Variants in POC1A observed in about 807,000 individuals in gnomAD.
POC1A encodes POC1 centriolar protein A.
A neutral mutation model predicts 47.8 loss-of-function variants in POC1A; 34 were observed. The ratio of observed to expected loss-of-function variants is 0.71; its 90% CI spans 0.54 to 0.95. The LOEUF is 0.95. Ranked by LOEUF, POC1A falls within the 40% of genes least tolerant of loss-of-function variation. The pLI is 0.00. For synonymous variants in POC1A, 177 were observed against 207.6 expected, an observed-to-expected ratio of 0.85 and a Z score of 1.27; for missense variants, 466 against 528.3, an observed-to-expected ratio of 0.88 and a Z score of 1.16.
chr3:52,146,422 C>T (rs1698366587), intron 5 of POC1A, among the ~76,000 whole-genome samples: 1 of 152,348 alleles, frequency 6.6e-6, no homozygotes, highest in African/African-American at 2.4e-5. Context: ...ATATGTGATA[C>T]CCAGGCTGGT....
chr3:52,109,017 G>C (rs1461053102), intron 9 of POC1A, among the ~76,000 whole-genome samples: 1 of 152,148 alleles, frequency 6.6e-6, no homozygotes, highest in Non-Finnish European at 1.5e-5. Context: ...CAGGAGTGTG[G>C]TGTGAGCCCA....
chr3:52,103,839 C>T (rs545150037), intron 9 of POC1A, among the ~76,000 whole-genome samples: 117 of 152,100 alleles, frequency 7.7e-4, no homozygotes, highest in Non-Finnish European at 1.4e-3. Context: ...AAAAACTGAT[C>T]ATGCCAAGTG....
chr3:52,124,847 C>T (rs1703935760), intron 8 of POC1A, among the ~76,000 whole-genome samples: 1 of 152,188 alleles, frequency 6.6e-6, no homozygotes, highest in African/African-American at 2.4e-5. Context: ...ATAGCCCAGC[C>T]TCCTTCCACT....
rs550368682 is a variant in POC1A, at chr3:52,122,183, C to A, written c.981+196G>T. Among the ~76,000 whole-genome samples, 17 of 152,362 alleles carry A rather than the reference C, an allele frequency of 1.1e-4. No homozygotes were observed. The South Asian group carries it at 3.5e-3, about 32-fold the overall frequency. On this transcript the variant is annotated intron_variant, in intron 9 of 10. Transcript: ENST00000296484. The stretch of plus-strand genomic sequence containing the variant: ...GCTTGCTGTAACAGCCTCTTTGTGT[C>A]TTATTCGTTCACTCTAGATGGAAAA...
At position 52,104,595 on chromosome 3, in the gene POC1A, G is replaced by A. The variant is rs773512443; in HGVS notation, c.982-7883C>T. 3.9e-5 allele frequency among the ~76,000 whole-genome samples: 6 copies of A among 152,356 alleles called. No homozygotes were observed. In the South Asian group the frequency reaches 6.2e-4, roughly 16 times the overall value. The stretch of plus-strand genomic sequence containing the variant: ...CCATCACTGCCACTCTGCCCTCAAG[G>A]TGAAAATCACCAGCTCTCCACTGGG... On this transcript the variant is annotated intron_variant, in intron 9 of 10. Coordinates refer to ENST00000296484, the MANE Select transcript of POC1A (RefSeq NM_015426.5).
chr3:52,145,921 T>C lies in POC1A; in HGVS notation c.604A>G (p.Ile202Val). The change falls in exon 6 of 11, where the codon ATT (isoleucine) becomes GTT (valine). Residue 202 changes from isoleucine to valine, a missense_variant. By Grantham distance (29) the Ile-to-Val change is conservative. Transcript: ENST00000296484. ...YVDFHPSGTC[I>V]AAAGMDNTVK... ...GTGTTGTCCATGCCGGCAGCGGCAATGCACGTCCCACTGGGGTGGAAGTCC... is the reference window on the plus strand; with the variant it reads ...GTGTTGTCCATGCCGGCAGCGGCAACGCACGTCCCACTGGGGTGGAAGTCC... 2.5e-6 allele frequency: 4 copies of C among 1,613,918 alleles called. No homozygotes were observed. Among genetic ancestry groups the C allele is most frequent in the Non-Finnish European group, 3.4e-6 (4 of 1,179,876 alleles).
Position 52,149,325 on chromosome 3 carries a change from C to G in POC1A, c.340G>C (p.Asp114His), listed in dbSNP as rs758744424. The G allele has an allele frequency of 6.2e-7, 1 of 1,614,166 alleles. No homozygotes were observed. Among genetic ancestry groups the G allele is most frequent in the Admixed American group, 1.7e-5 (1 of 60,032 alleles). Residue 114 changes from aspartate (D) to histidine (H), a missense_variant, in exon 4 of 11, where the codon GAT becomes CAT. By Grantham distance (81) the Asp-to-His change is moderately conservative. Transcript: ENST00000296484. ...GAGGCTGTCACGAAGGACTGGCCAT[C>G]ACTGCAGAAGTGGACACTCCTCACT... ...ATVRSVHFCS[D>H]GQSFVTASDD...
In POC1A at chr3:52,090,035, G is replaced by A. The variant is rs1383503307; in HGVS notation, c.1125+6534C>T. ...CATTCTCTATCCCCAAAGCAAACAG[G>A]CAAAAATCCTTGGCCTTGTTGAGTT... On this transcript the variant is annotated intron_variant, in intron 10 of 10. Transcript: ENST00000296484. The surrounding 1 kb of genome is among the most constrained non-coding windows in gnomAD (Gnocchi z 4.2). Among the ~76,000 whole-genome samples the A allele has an allele frequency of 6.6e-6, 1 of 152,120 alleles. No homozygotes were observed. Among genetic ancestry groups the A allele is most frequent in the Non-Finnish European group, 1.5e-5 (1 of 68,020 alleles).
intron 7 of POC1A, among the ~76,000 whole-genome samples, chr3:52,135,431 T>C (rs975027626): frequency 6.6e-6 from 1 of 152,236 alleles, no homozygotes; most frequent in Non-Finnish European, 1.5e-5. Flanking sequence ...TCACCCAGGC[T>C]GGAGTACAGT....
chr3:52,094,432 A>G (rs1025518594), intron 10 of POC1A, among the ~76,000 whole-genome samples: 1 of 152,250 alleles, frequency 6.6e-6, no homozygotes, highest in Non-Finnish European at 1.5e-5. Context: ...AGAAAGGCAC[A>G]GGGAAACTTT....
chr3:52,094,329 G>A (rs143672294), intron 10 of POC1A, among the ~76,000 whole-genome samples: 56 of 152,348 alleles, frequency 3.7e-4, no homozygotes, highest in East Asian at 1.9e-3. Flanking sequence ...GGTGGTGGCC[G>A]CCTGGCACTA....
chr3:52,127,262 G>A (rs1184623320), intron 7 of POC1A, among the ~76,000 whole-genome samples: 8 of 152,226 alleles, frequency 5.3e-5, no homozygotes, highest in Non-Finnish European at 8.8e-5. Context: ...TGCAGGATGA[G>A]GGCAGGGCAT....
At position 52,149,397 on chromosome 3, in the gene POC1A, G is replaced by T. The variant is rs773099255; in HGVS notation, c.276-8C>A. On this transcript the variant is annotated splice_polypyrimidine_tract_variant and splice_region_variant and intron_variant, in intron 3 of 10. Coordinates refer to ENST00000296484, the MANE Select transcript of POC1A (RefSeq NM_015426.5). Reference sequence around the variant, plus strand: ...ACAGTGGACTCACCTTTGCTACAAGGACAGGCATCCAAGAGTAAGGAAACC... The same window carrying T: ...ACAGTGGACTCACCTTTGCTACAAGTACAGGCATCCAAGAGTAAGGAAACC... 2 of 1,612,940 alleles carry T rather than the reference G, an allele frequency of 1.2e-6. No homozygotes were observed. Among genetic ancestry groups the T allele is most frequent in the Non-Finnish European group, 1.7e-6 (2 of 1,179,078 alleles).
At chr3:52,089,835 G>A (rs922119026) in intron 10 of POC1A, among the ~76,000 whole-genome samples, 3 of 152,108 alleles carry the variant, frequency 2.0e-5, no homozygotes, top group Admixed American at 2.0e-4. Context: ...GGGATACAGA[G>A]AGCCCCTGAG....
chr3:52,128,385 C>A (rs540686449), intron 7 of POC1A, among the ~76,000 whole-genome samples: 3 of 152,198 alleles, frequency 2.0e-5, no homozygotes, highest in Non-Finnish European at 4.4e-5. Context: ...GAAGTGCTAG[C>A]GCTCCTTTAC....
At chr3:52,117,540 T>A (rs1703612785) in intron 9 of POC1A, among the ~76,000 whole-genome samples, 1 of 152,148 alleles carries the variant, frequency 6.6e-6, no homozygotes, top group African/African-American at 2.4e-5. Context: ...AATCACAGGT[T>A]GGCTGGAAGC....
intron 9 of POC1A, 61 bp downstream of exon 9, chr3:52,122,318 T>A: frequency 2.1e-6 from 2 of 963,584 alleles, no homozygotes; most frequent in Non-Finnish European, 3.4e-6. Flanking sequence ...CCCAGAGCTG[T>A]TCACCATGAC....
intron 9 of POC1A, among the ~76,000 whole-genome samples, chr3:52,121,603 C>T (rs1703782768): frequency 6.6e-6 from 1 of 152,114 alleles, no homozygotes; most frequent in South Asian, 2.1e-4. Context: ...AGCCTTGACT[C>T]GCTGGAGGCC....
At chr3:52,096,491 T>G (rs1702818391) in intron 10 of POC1A, 78 bp downstream of exon 10, 2 of 1,230,838 alleles carry the variant, frequency 1.6e-6, no homozygotes, top group Non-Finnish European at 1.1e-6. Context: ...CCAGCACCTG[T>G]TGTCCAACTT....
Sources: allele counts gnomAD v4.1 joint callset (sites outside exome capture counted in the v4.1 genomes callset), GRCh38; gene constraint gnomAD v4.1.1; non-coding constraint Gnocchi (gnomAD v3.1); transcripts MANE v1.5; gene names NCBI Gene and HGNC (gene_info 2026-07-23, HGNC 2026-07-21).